CSNK2A1: variants seen among roughly 807,000 people sequenced by gnomAD.
The protein encoded by CSNK2A1 is casein kinase 2 alpha 1.
In CSNK2A1, 10 loss-of-function variants were observed where a neutral mutation model predicts 62.9. The observed-to-expected ratio is 0.16, with a 90% CI of 0.10 to 0.27. The LOEUF (loss-of-function observed/expected upper bound fraction) is 0.27, where lower values mean the gene tolerates loss of function less well. Ranked by LOEUF, CSNK2A1 falls within the 10% of genes least tolerant of loss-of-function variation. The pLI is 1.00. For missense variants in CSNK2A1, 160 were observed against 492.0 expected, an observed-to-expected ratio of 0.33 and a Z score of 6.38; for synonymous variants, 124 against 167.8, an observed-to-expected ratio of 0.74 and a Z score of 2.02.
chr20:503,289 C>T (rs117502978), intron 4 of CSNK2A1: 6,290 of 389,858 alleles, frequency 0.016, 59 homozygotes, highest in Admixed American at 0.023. Context: ...CGACTAAAGG[C>T]ACATGCCACC....
In CSNK2A1 at chr20:480,414, G is replaced by A. The variant is rs1453328409; in HGVS notation, c.*3547C>T. 5 of 151,032 alleles carry A rather than the reference G, an allele frequency of 3.3e-5. No individual in the cohort carries two copies. Among genetic ancestry groups the A allele is most frequent in the African/African-American group, 7.3e-5 (3 of 40,988 alleles). The allele number at this position is 151,032 out of a possible 1,614,324, so 9.4% of individuals were successfully genotyped here. A position where few individuals can be genotyped will look rare whatever the true frequency, so the allele number is the denominator to read the frequency against. ...ATACTCTTCGATCCTGAGGGAAAAC[G>A]AACCCACTTAAAAAAAAAAACAAAA... On this transcript the variant is annotated 3_prime_UTR_variant, in exon 14 of 14. Coordinates refer to ENST00000217244, the MANE Select transcript of CSNK2A1 (RefSeq NM_177559.3).
intron 2 of CSNK2A1, among the ~76,000 whole-genome samples, chr20:518,713 ATTT>A (rs10534951): frequency 0.02 from 2,431 of 120,942 alleles, 36 homozygotes; most frequent in East Asian, 0.038. Flanking sequence ...CGCCCGGCTA[ATTT>A]TTTTTTTTTT....
rs558378301 is a variant in CSNK2A1, at chr20:499,145, G to A, written c.366+110C>T. ...ATCTTAAAATTTGCACTGTAAGGAT[G>A]AAAAGCTTTTTAAAAACAAATGCGA... On this transcript the variant is annotated intron_variant, in intron 6 of 13. Transcript: ENST00000217244. The surrounding 1 kb of genome is among the most constrained non-coding windows in gnomAD (Gnocchi z 4.2). 739 of 938,588 alleles carry A rather than the reference G, an allele frequency of 7.9e-4. 1 individual carries two copies. Among genetic ancestry groups the A allele is most frequent in the Non-Finnish European group, 1.1e-3 (705 of 665,058 alleles). 58.1% of individuals were successfully genotyped at this position (938,588 alleles called of 1,614,324 possible).
rs113522899 is a variant in CSNK2A1, at chr20:483,909, A to G, written c.*52T>C. 3.2e-6 allele frequency: 5 copies of G among 1,553,734 alleles called. No individual in the cohort carries two copies. The African/African-American group carries it at 5.6e-5, about 17-fold the overall frequency. Reference sequence around the variant, plus strand: ...CCGCCAGGCGCAAGCTGCATCAAGGAGAGGGTGGACTCCCCCACCTCTGCT... The same window carrying G: ...CCGCCAGGCGCAAGCTGCATCAAGGGGAGGGTGGACTCCCCCACCTCTGCT... On this transcript the variant is annotated 3_prime_UTR_variant, in exon 14 of 14. Transcript: ENST00000217244.
intron 1 of CSNK2A1, among the ~76,000 whole-genome samples, chr20:538,901 A>C (rs1024540451): frequency 6.6e-6 from 1 of 152,188 alleles, no homozygotes; most frequent in African/African-American, 2.4e-5. Context: ...AAATCCTACC[A>C]ATGTCCTAGA....
At chr20:539,345 A>C (rs932114536) in intron 1 of CSNK2A1, 1 of 152,184 alleles carries the variant, frequency 6.6e-6, no homozygotes, top group African/African-American at 2.4e-5. Flanking sequence ...TGTAGGACTG[A>C]GTTCCCACTT....
At chr20:488,594 CAT>C in intron 11 of CSNK2A1, 82 bp downstream of exon 11, 3 of 1,369,206 alleles carry the variant, frequency 2.2e-6, no homozygotes, top group Non-Finnish European at 3.1e-6. Context: ...GCAAAGAAAA[CAT>C]AACTATTTTG....
chr20:487,542 G>A lies in CSNK2A1; in HGVS notation c.858C>T (p.His286=), dbSNP rs41306790. 7.4e-3 allele frequency: 11,973 copies of A among 1,614,204 alleles called. 67 individuals are homozygous for A. Among genetic ancestry groups the A allele is most frequent in the Non-Finnish European group, 8.7e-3 (10,229 of 1,180,048 alleles). Reference sequence around the variant, plus strand: ...GGCTGACAAGGTGCTGATTTTCACTGTGGACAAAGCGTTCCCATCGCTTTC... The same window carrying A: ...GGCTGACAAGGTGCTGATTTTCACTATGGACAAAGCGTTCCCATCGCTTTC... The part of the protein sequence containing the change: ...HSRKRWERFV[H]SENQHLVSPE... Residue 286 remains histidine, a synonymous_variant, in exon 12 of 14, where the codon CAC becomes CAT. Transcript: ENST00000217244.
intron 2 of CSNK2A1, among the ~76,000 whole-genome samples, chr20:515,523 T>C (rs2018811278): frequency 6.6e-6 from 1 of 152,192 alleles, no homozygotes; most frequent in Non-Finnish European, 1.5e-5. Flanking sequence ...TGACCAAGAA[T>C]ATCCAATACA....
chr20:485,087 A>AT (rs2018047620), intron 13 of CSNK2A1, among the ~76,000 whole-genome samples: 1 of 34,788 alleles, frequency 2.9e-5, no homozygotes, highest in African/African-American at 1.0e-4. Context: ...AAAAAAAAAA[A>AT]AAAAAAAAAA....
chr20:524,612 C>A (rs556425547), intron 2 of CSNK2A1, among the ~76,000 whole-genome samples: 2 of 137,940 alleles, frequency 1.4e-5, no homozygotes, highest in African/African-American at 6.1e-5. Flanking sequence ...TGCCTATAAT[C>A]CCAGCTACTC....
At chr20:519,087 C>T (rs1000083409) in intron 2 of CSNK2A1, among the ~76,000 whole-genome samples, 9 of 151,964 alleles carry the variant, frequency 5.9e-5, no homozygotes, top group Non-Finnish European at 1.0e-4. Flanking sequence ...AGGTGCATGC[C>T]ACCATGCCCG....
intron 1 of CSNK2A1, among the ~76,000 whole-genome samples, chr20:540,505 A>C (rs2019427883): frequency 6.6e-6 from 1 of 152,190 alleles, no homozygotes; most frequent in African/African-American, 2.4e-5. Context: ...TAGCAGAGTC[A>C]TTAACATCCA....
intron 6 of CSNK2A1, 115 bp from the exon 7 acceptor site, chr20:497,895 G>T: frequency 1.2e-6 from 1 of 837,298 alleles, no homozygotes. Context: ...TCCAAGATCT[G>T]TCCATTCACT....
intron 1 of CSNK2A1, among the ~76,000 whole-genome samples, chr20:528,864 T>C (rs935517687): frequency 2.8e-4 from 43 of 152,296 alleles, no homozygotes; most frequent in Admixed American, 9.8e-4. Context: ...GAGGTAGTGA[T>C]TGGAAAACAT....
intron 2 of CSNK2A1, among the ~76,000 whole-genome samples, chr20:509,449 C>A (rs2018670457): frequency 6.6e-6 from 1 of 152,218 alleles, no homozygotes. Context: ...CTATCTCCTA[C>A]AGCATGTGCT....
In CSNK2A1 at chr20:526,179, T is replaced by TA. The variant is rs2019084453; in HGVS notation, c.-110+1753dup. Among the ~76,000 whole-genome samples the TA allele has an allele frequency of 2.0e-5, 3 of 151,424 alleles. No individual in the cohort carries two copies. In the South Asian group the frequency reaches 6.2e-4, roughly 32 times the overall value. On this transcript the variant is annotated intron_variant, in intron 2 of 13. Transcript: ENST00000217244. ...GGATCCACAATACCAATTGAGTCTT[T>TA]AAAAATGCTCGTGCTGAGCCCGTGG... is the stretch of plus-strand genomic sequence containing the variant.
intron 12 of CSNK2A1, 163 bp downstream of exon 12, chr20:487,264 G>A (rs1264404861): frequency 3.3e-5 from 30 of 898,336 alleles, no homozygotes; most frequent in Non-Finnish European, 4.7e-5. Context: ...AATTCTTCCA[G>A]TAATTCTGCA....
intron 2 of CSNK2A1, among the ~76,000 whole-genome samples, chr20:517,744 G>A (rs2018857058): frequency 6.6e-6 from 1 of 152,136 alleles, no homozygotes; most frequent in African/African-American, 2.4e-5. Context: ...AATGACCAAA[G>A]GCTGGCACAT....
Sources: gnomAD v4.1 joint callset for allele counts (sites outside exome capture counted in the v4.1 genomes callset) on GRCh38, gnomAD v4.1.1 for gene constraint, Gnocchi (gnomAD v3.1) non-coding constraint, MANE v1.5 for transcripts, NCBI Gene and HGNC (gene_info 2026-07-23, HGNC 2026-07-21) for gene names.